Variants in EEA1 observed in about 807,000 individuals in gnomAD.
EEA1 encodes the protein early endosome antigen 1, also known as early endosome antigen 1, 162kD.
In EEA1, 111 loss-of-function variants were observed where a neutral mutation model predicts 209.2. The ratio of observed to expected loss-of-function variants is 0.53; its 90% CI spans 0.45 to 0.62. The LOEUF (loss-of-function observed/expected upper bound fraction) is 0.62, where lower values mean the gene tolerates loss of function less well. Among genes scored for constraint, EEA1 ranks in the 20% least tolerant of loss-of-function variants. The pLI, the probability that EEA1 is intolerant of heterozygous loss-of-function variation, is 0.00. For missense variants in EEA1, 1,343 were observed against 1,530.8 expected, an observed-to-expected ratio of 0.88 and a Z score of 2.05; for synonymous variants, 536 against 540.6, an observed-to-expected ratio of 0.99 and a Z score of 0.12.
chr12:92,815,809 C>T (rs993944822), intron 15 of EEA1, among the ~76,000 whole-genome samples: 1 of 151,846 alleles, frequency 6.6e-6, no homozygotes, highest in South Asian at 2.1e-4. Context: ...TAATATCTAA[C>T]TAATTTGAAT....
intron 1 of EEA1, among the ~76,000 whole-genome samples, chr12:92,915,324 C>A (rs534671936): frequency 6.6e-5 from 10 of 152,144 alleles, no homozygotes; most frequent in Admixed American, 5.9e-4. Context: ...AAAAAGTAGC[C>A]AGGTGTGCTG....
At chr12:92,833,376 T>C (rs1286371429) in intron 10 of EEA1, among the ~76,000 whole-genome samples, 1 of 152,182 alleles carries the variant, frequency 6.6e-6, no homozygotes, top group African/African-American at 2.4e-5. Flanking sequence ...AATTCAAATT[T>C]TTTTCTAGGT....
chr12:92,894,826 TTAAG>T (rs3064985), intron 1 of EEA1, among the ~76,000 whole-genome samples: 38,411 of 151,934 alleles, frequency 0.25, 5,355 homozygotes, highest in Non-Finnish European at 0.32. Context: ...GATATCTATA[TTAAG>T]TAACAGATTT....
At chr12:92,801,907 GATC>G (rs200472755) in intron 19 of EEA1, among the ~76,000 whole-genome samples, 1,770 of 151,950 alleles carry the variant, frequency 0.012, 31 homozygotes, top group African/African-American at 0.041. Flanking sequence ...TAAGGGTTTT[GATC>G]ATCAACCAAG....
chr12:92,833,280 A>T (rs576815230), intron 10 of EEA1, among the ~76,000 whole-genome samples: 68 of 152,286 alleles, frequency 4.5e-4, no homozygotes, highest in Non-Finnish European at 9.0e-4. Context: ...AATATCATCC[A>T]CTGTTCTAAT....
At chr12:92,888,259 A>T (rs1280351894) in intron 2 of EEA1, among the ~76,000 whole-genome samples, 3 of 152,190 alleles carry the variant, frequency 2.0e-5, no homozygotes, top group African/African-American at 4.8e-5. Flanking sequence ...TCCTCATTTT[A>T]AAAAAATCCT....
intron 2 of EEA1, among the ~76,000 whole-genome samples, chr12:92,885,612 C>T (rs958741829): frequency 8.5e-5 from 13 of 152,106 alleles, no homozygotes; most frequent in African/African-American, 1.2e-4. Context: ...TACGGCAGTC[C>T]CCAGTTAACA....
At chr12:92,910,910 G>A (rs1880560315) in intron 1 of EEA1, among the ~76,000 whole-genome samples, 2 of 152,204 alleles carry the variant, frequency 1.3e-5, no homozygotes, top group Non-Finnish European at 2.9e-5. Context: ...CACCATCAGG[G>A]TAATGCAAAT....
chr12:92,905,121 G>A (rs1443253550), intron 1 of EEA1, among the ~76,000 whole-genome samples: 1 of 151,954 alleles, frequency 6.6e-6, no homozygotes, highest in African/African-American at 2.4e-5. Flanking sequence ...TTGCCAAAAG[G>A]TACTTATTAT....
At chr12:92,884,574 G>A (rs1879301094) in intron 2 of EEA1, 5 of 1,483,686 alleles carry the variant, frequency 3.4e-6, no homozygotes, top group Non-Finnish European at 4.6e-6. Context: ...CCCATGAAGG[G>A]AGGAAACTTT....
chr12:92,921,361 A>G (rs1880985192), intron 1 of EEA1, among the ~76,000 whole-genome samples: 1 of 115,978 alleles, frequency 8.6e-6, no homozygotes, highest in Non-Finnish European at 1.8e-5. Context: ...AATGTCCAAC[A>G]ATGATAGACT....
chr12:92,824,661 C>A (rs1374938090), intron 13 of EEA1, among the ~76,000 whole-genome samples: 4 of 152,202 alleles, frequency 2.6e-5, no homozygotes, highest in Non-Finnish European at 4.4e-5. Flanking sequence ...GGTCTTTCAT[C>A]TTTTCAAAGA....
At chr12:92,799,523 A>G (rs1874806553) in intron 20 of EEA1, among the ~76,000 whole-genome samples, 1 of 152,202 alleles carries the variant, frequency 6.6e-6, no homozygotes, top group Admixed American at 6.5e-5. Context: ...ACGGTGGCTC[A>G]CACCTGTAAT....
chr12:92,904,953 T>C lies in EEA1; in HGVS notation c.25-13232A>G, dbSNP rs1471844695. The stretch of plus-strand genomic sequence containing the variant: ...GACTAAGTCATTGGCCATTGGTGAT[T>C]AACTCAATCTCTAGCCCCTCTCTAT... On this transcript the variant is annotated intron_variant, in intron 1 of 28. Transcript: ENST00000322349. 2.0e-5 allele frequency among the ~76,000 whole-genome samples: 3 copies of C among 152,196 alleles called. No homozygotes were observed. In the East Asian group the frequency reaches 5.8e-4, roughly 29 times the overall value.
At chr12:92,884,408 G>T in intron 2 of EEA1, 1 of 1,296,066 alleles carries the variant, frequency 7.7e-7, no homozygotes. Flanking sequence ...TGGCAGGAAT[G>T]ACAACACTGG....
At chr12:92,892,341 C>T (rs967596293) in intron 1 of EEA1, among the ~76,000 whole-genome samples, 1 of 152,100 alleles carries the variant, frequency 6.6e-6, no homozygotes, top group African/African-American at 2.4e-5. Flanking sequence ...ATCTGCCCAC[C>T]TCCGCCTCCC....
Position 92,811,349 on chromosome 12 carries a change from T to G in EEA1, c.2129A>C (p.His710Pro), listed in dbSNP as rs1287980527. The change falls in exon 17 of 29, where the codon CAT becomes CCT. Residue 710 changes from histidine (H) to proline (P), a missense_variant. Around this residue, in one of 3 missense-constraint regions of EEA1, gnomAD observed 1,307 missense variants for 1,465.5 expected, o/e 0.89. Coordinates refer to ENST00000322349, the MANE Select transcript of EEA1 (RefSeq NM_003566.4). Reference protein sequence around the residue: ...KQEHCSQLESHLKEYKEKYLS... With the variant: ...KQEHCSQLESPLKEYKEKYLS... ...GTATTTCTCTTTATATTCTTTAAGATGACTTTCCAGCTGACTGCAATGTTC... is the reference window on the plus strand; with the variant it reads ...GTATTTCTCTTTATATTCTTTAAGAGGACTTTCCAGCTGACTGCAATGTTC... 4.4e-6 allele frequency: 7 copies of G among 1,607,820 alleles called. No individual in the cohort carries two copies. Among genetic ancestry groups the G allele is most frequent in the Admixed American group, 1.7e-5 (1 of 59,544 alleles).
chr12:92,780,929 CAG>C (rs1873877812), intron 23 of EEA1, among the ~76,000 whole-genome samples: 3 of 152,146 alleles, frequency 2.0e-5, no homozygotes, highest in Admixed American at 2.0e-4. Context: ...CTTTTTGAAA[CAG>C]GGTCTCATTC....
intron 13 of EEA1, among the ~76,000 whole-genome samples, chr12:92,824,160 A>C (rs1276718620): frequency 6.6e-6 from 1 of 152,180 alleles, no homozygotes; most frequent in African/African-American, 2.4e-5. Flanking sequence ...GCCCAGACTA[A>C]AATCCTTGGA....
Sources: allele counts gnomAD v4.1 joint callset (sites outside exome capture counted in the v4.1 genomes callset), GRCh38; gene constraint gnomAD v4.1.1; regional missense constraint gnomAD v4.1.1; transcripts MANE v1.5; gene names NCBI Gene and HGNC (gene_info 2026-07-23, HGNC 2026-07-21).